The following ADAMTSL1 variants were observed in gnomAD, a reference collection of about 807,000 sequenced individuals.
ADAMTSL1 encodes the protein ADAMTS like 1.
Under a neutral mutation model 201.8 loss-of-function variants are expected in ADAMTSL1, and 126 were observed. The ratio of observed to expected loss-of-function variants is 0.62; its 90% CI spans 0.54 to 0.72. The LOEUF (loss-of-function observed/expected upper bound fraction) is 0.72. Among genes scored for constraint, ADAMTSL1 ranks in the 30% least tolerant of loss-of-function variants. ADAMTSL1 has a pLI of 0.00. For missense variants in ADAMTSL1, 2,679 were observed against 2,277.8 expected, an observed-to-expected ratio of 1.18 and a Z score of -3.59; for synonymous variants, 1,121 against 903.4, an observed-to-expected ratio of 1.24 and a Z score of -4.32.
intron 23 of ADAMTSL1, among the ~76,000 whole-genome samples, chr9:18,852,624 G>A (rs568076447): frequency 3.4e-4 from 52 of 152,156 alleles, no homozygotes; most frequent in East Asian, 1.7e-3. Flanking sequence ...GCCTATCTCC[G>A]AAAAATTAAT....
At chr9:18,599,110 T>C (rs1824461247) in intron 4 of ADAMTSL1, among the ~76,000 whole-genome samples, 1 of 152,168 alleles carries the variant, frequency 6.6e-6, no homozygotes, top group Non-Finnish European at 1.5e-5. Context: ...ATTTATTAAT[T>C]TGTTGATGCA....
chr9:18,753,510 T>A lies in ADAMTSL1; in HGVS notation c.2217+2T>A, dbSNP rs1381082206. The stretch of plus-strand genomic sequence containing the variant: ...TGGTACCCTGCACAGTGGCAGCCGG[T>A]GAGTTCTGAAGTTACTCAATATTGG... On this transcript the variant is annotated splice_donor_variant, in intron 16 of 28. Transcript: ENST00000380548. LOFTEE classifies it high-confidence loss of function. 5 of 1,608,676 alleles carry A rather than the reference T, an allele frequency of 3.1e-6. No homozygotes were observed. Among genetic ancestry groups the A allele is most frequent in the Non-Finnish European group, 4.2e-6 (5 of 1,178,574 alleles).
At chr9:18,019,114 A>G (rs926319293) in intron 1 of ADAMTSL1, among the ~76,000 whole-genome samples, 1 of 152,096 alleles carries the variant, frequency 6.6e-6, no homozygotes, top group African/African-American at 2.4e-5. Context: ...TTGTTTATGT[A>G]GTGGCAGAAA....
At chr9:18,081,896 TA>T (rs1823514028) in intron 1 of ADAMTSL1, among the ~76,000 whole-genome samples, 2 of 152,206 alleles carry the variant, frequency 1.3e-5, no homozygotes, top group African/African-American at 4.8e-5. Flanking sequence ...TTGTCCTGGA[TA>T]AACTCAGGTA....
intron 2 of ADAMTSL1, among the ~76,000 whole-genome samples, chr9:18,387,643 C>T (rs988086164): frequency 2.0e-5 from 3 of 151,108 alleles, no homozygotes; most frequent in African/African-American, 7.4e-5. Flanking sequence ...TATTTATTTT[C>T]ATTTGTTTTT....
At chr9:18,257,907 A>G (rs1395060236) in intron 2 of ADAMTSL1, among the ~76,000 whole-genome samples, 3 of 152,256 alleles carry the variant, frequency 2.0e-5, no homozygotes, top group Admixed American at 6.5e-5. Flanking sequence ...GGCACCTAGA[A>G]TAGGAAACTT....
At chr9:18,629,146 T>A (rs1733452825) in intron 5 of ADAMTSL1, among the ~76,000 whole-genome samples, 1 of 152,136 alleles carries the variant, frequency 6.6e-6, no homozygotes, top group South Asian at 2.1e-4. Context: ...TACCTCTGAG[T>A]TTTTTGGTAG....
chr9:18,666,537 A>G (rs117066905), intron 9 of ADAMTSL1, among the ~76,000 whole-genome samples: 4 of 152,112 alleles, frequency 2.6e-5, no homozygotes, highest in East Asian at 1.9e-4. Flanking sequence ...ATTTAACACT[A>G]TGTTCTGTAT....
chr9:18,724,125 C>T (rs749683633), intron 15 of ADAMTSL1, among the ~76,000 whole-genome samples: 1 of 152,180 alleles, frequency 6.6e-6, no homozygotes, highest in Non-Finnish European at 1.5e-5. Context: ...AATACCATAG[C>T]ATTTTCAGTG....
At chr9:18,529,604 A>G (rs150459917) in intron 2 of ADAMTSL1, among the ~76,000 whole-genome samples, 75 of 152,318 alleles carry the variant, frequency 4.9e-4, no homozygotes, top group Middle Eastern at 3.4e-3. Context: ...CCAAATATCT[A>G]TAGTAGGCAC....
At chr9:18,292,203 C>T (rs754827733) in intron 2 of ADAMTSL1, among the ~76,000 whole-genome samples, 10 of 152,054 alleles carry the variant, frequency 6.6e-5, no homozygotes, top group Non-Finnish European at 1.2e-4. Context: ...AGGGAAGCTT[C>T]AGGTGATCTT....
chr9:18,239,794 GGAAA>G (rs1830992341), intron 2 of ADAMTSL1, among the ~76,000 whole-genome samples: 1 of 149,920 alleles, frequency 6.7e-6, no homozygotes. Context: ...AAGGAAGGAG[GGAAA>G]GAAAGAAGGA....
chr9:18,737,066 C>A (rs182554900), intron 15 of ADAMTSL1, among the ~76,000 whole-genome samples: 1 of 152,138 alleles, frequency 6.6e-6, no homozygotes. Flanking sequence ...CGCCTGTAAT[C>A]CCAACACTTT....
chr9:18,053,924 A>G (rs993837814), intron 1 of ADAMTSL1, among the ~76,000 whole-genome samples: 1 of 151,754 alleles, frequency 6.6e-6, no homozygotes, highest in Non-Finnish European at 1.5e-5. Flanking sequence ...TGCACCTTTC[A>G]CTGTGTAGGA....
chr9:18,200,246 C>T (rs1014480987), intron 2 of ADAMTSL1, among the ~76,000 whole-genome samples: 9 of 151,216 alleles, frequency 6.0e-5, no homozygotes, highest in Non-Finnish European at 1.0e-4. Context: ...TCAGCCTAGG[C>T]AAAATAGCGA....
rs1261299276 is a variant in ADAMTSL1, at chr9:17,909,632, C to T, written c.87+2710C>T. Reference sequence around the variant, plus strand: ...ATTAAGAAAATGTGGCACATATACACCATGGAATACTATGCAGCCATAAAA... The same window carrying T: ...ATTAAGAAAATGTGGCACATATACATCATGGAATACTATGCAGCCATAAAA... On this transcript the variant is annotated intron_variant, in intron 1 of 29. Coordinates refer to the ADAMTSL1 transcript ENST00000680146. Among the ~76,000 whole-genome samples the T allele has an allele frequency of 2.9e-5, 2 of 67,876 alleles. 1 individual carries two copies. The highest frequency in any genetic ancestry group is 9.0e-5 in the Non-Finnish European group (2 of 22,290). 44.5% of individuals were successfully genotyped at this position (67,876 alleles called of 152,430 possible). A position where few individuals can be genotyped will look rare whatever the true frequency, so the allele number is the denominator to read the frequency against.
intron 2 of ADAMTSL1, among the ~76,000 whole-genome samples, chr9:18,225,345 C>T (rs1182372220): frequency 1.3e-5 from 2 of 152,104 alleles, no homozygotes. Flanking sequence ...AGTAAAAGTG[C>T]ACTCGTGGAG....
intron 2 of ADAMTSL1, among the ~76,000 whole-genome samples, chr9:18,461,872 C>G (rs72688606): frequency 0.015 from 2,237 of 152,082 alleles, 69 homozygotes; most frequent in East Asian, 0.14. Context: ...CAGGACACGC[C>G]CCCTCCACTC....
At chr9:18,211,885 C>A (rs959511702) in intron 2 of ADAMTSL1, among the ~76,000 whole-genome samples, 1 of 152,180 alleles carries the variant, frequency 6.6e-6, no homozygotes, top group Non-Finnish European at 1.5e-5. Flanking sequence ...TAGGCCAGCC[C>A]TCAACAACCC....
Sources: gnomAD v4.1 joint callset for allele counts (sites outside exome capture counted in the v4.1 genomes callset) on GRCh38, gnomAD v4.1.1 for gene constraint, MANE v1.5 for transcripts, NCBI Gene and HGNC (gene_info 2026-07-23, HGNC 2026-07-21) for gene names.